MTSS1: variants seen among roughly 807,000 people sequenced by gnomAD.
MTSS1 encodes MTSS I-BAR domain containing 1, also known as protein MTSS 1.
MTSS1 carries 18 observed loss-of-function variants against 79.0 expected under a neutral mutation model. The ratio of observed to expected loss-of-function variants is 0.23; its 90% confidence interval spans 0.16 to 0.34. MTSS1 has a LOEUF of 0.34. MTSS1 is among the 10% of genes least tolerant of loss of function. The probability of loss-of-function intolerance (pLI) is 1.00; values close to 1 mark genes in which losing one functional copy is unlikely to be tolerated. For missense variants in MTSS1, 815 were observed against 986.2 expected (o/e 0.83, Z 2.33); for synonymous variants, 341 against 368.6 (o/e 0.93, Z 0.86).
chr8:124,604,405 A>G (rs1379802248), intron 3 of MTSS1, among the ~76,000 whole-genome samples: 4 of 152,096 alleles, frequency 2.6e-5, no homozygotes, highest in Admixed American at 1.3e-4. Flanking sequence ...GAGAAGAGAA[A>G]CATTAGTCCT....
rs565875818 is a variant in MTSS1 at position 124,697,297 on chromosome 8, C to T, written c.208+2229G>A. 5.3e-5 allele frequency among the ~76,000 whole-genome samples: 8 copies of T among 151,156 alleles called. No homozygotes were observed. In the South Asian group the frequency reaches 1.3e-3, roughly 24 times the overall value. On this transcript the variant is annotated intron_variant, in intron 3 of 13. Coordinates refer to ENST00000518547, the MANE Select transcript of MTSS1 (RefSeq NM_014751.6). ...ATTCTGGGCCAGGCACGGTGGCTCACGCCTGTAATCCCAGCACTATGGGAG... is the reference window on the plus strand; with the variant it reads ...ATTCTGGGCCAGGCACGGTGGCTCATGCCTGTAATCCCAGCACTATGGGAG...
rs1416292458 is a variant in MTSS1, at chr8:124,727,846, C to T, written c.72+38G>A. On this transcript the variant is annotated intron_variant, in intron 1 of 13. Coordinates refer to ENST00000518547, the MANE Select transcript of MTSS1 (RefSeq NM_014751.6). This position sits in a 1 kb window ranked among gnomAD's most constrained non-coding sequence, Gnocchi z 4.7. Reference sequence around the variant, plus strand: ...GAAGCGCGGCGGCGAGGTCAGAGCGCGGCGGCCGGCGCCGCAGCCGCACCC... The same window carrying T: ...GAAGCGCGGCGGCGAGGTCAGAGCGTGGCGGCCGGCGCCGCAGCCGCACCC... 2.6e-6 allele frequency: 4 copies of T among 1,541,258 alleles called. No homozygotes were observed. Among genetic ancestry groups the T allele is most frequent in the Non-Finnish European group, 3.5e-6 (4 of 1,146,912 alleles).
chr8:124,717,623 G>A (rs984364089), intron 1 of MTSS1, among the ~76,000 whole-genome samples: 1 of 152,196 alleles, frequency 6.6e-6, no homozygotes, highest in African/African-American at 2.4e-5. Context: ...GAACCTGGGA[G>A]GCAGAGGTTG....
intron 3 of MTSS1, among the ~76,000 whole-genome samples, chr8:124,696,417 CTTCT>C (rs1354255778): frequency 6.6e-6 from 1 of 150,582 alleles, no homozygotes; most frequent in South Asian, 2.1e-4. Flanking sequence ...TAAAATATAC[CTTCT>C]TTCTATCACC....
chr8:124,623,815 T>G (rs11986571), intron 3 of MTSS1, among the ~76,000 whole-genome samples: 3,077 of 152,334 alleles, frequency 0.02, 113 homozygotes, highest in African/African-American at 0.071. Flanking sequence ...AATTTTTGTA[T>G]TTTTAGTAGA....
chr8:124,636,361 C>T (rs1408425672), intron 3 of MTSS1, among the ~76,000 whole-genome samples: 2 of 152,322 alleles, frequency 1.3e-5, no homozygotes, highest in Non-Finnish European at 2.9e-5. Context: ...GAACTCCTGA[C>T]CTCAAGTGAT....
intron 6 of MTSS1, among the ~76,000 whole-genome samples, chr8:124,573,316 C>T (rs1828252163): frequency 6.6e-6 from 1 of 152,244 alleles, no homozygotes; most frequent in Non-Finnish European, 1.5e-5. Flanking sequence ...GCTTAATTCT[C>T]GATCCTTCAG....
chr8:124,657,027 T>A (rs1348943633), intron 3 of MTSS1, among the ~76,000 whole-genome samples: 1 of 152,164 alleles, frequency 6.6e-6, no homozygotes, highest in Non-Finnish European at 1.5e-5. Flanking sequence ...AAGGAACATA[T>A]GAACTAAATG....
intron 3 of MTSS1, among the ~76,000 whole-genome samples, chr8:124,638,035 T>A (rs797020272): frequency 1.8e-4 from 28 of 152,348 alleles, no homozygotes; most frequent in African/African-American, 6.5e-4. Context: ...TTCCCAAACT[T>A]TAATGTATAG....
chr8:124,721,146 C>A (rs12547466), intron 1 of MTSS1, among the ~76,000 whole-genome samples: 1 of 152,094 alleles, frequency 6.6e-6, no homozygotes, highest in Admixed American at 6.5e-5. Flanking sequence ...CTGTTCCGTA[C>A]GGTAGCTACT....
At position 124,683,084 on chromosome 8, in the gene MTSS1, T is replaced by C. The variant is rs1446425737; in HGVS notation, c.208+16442A>G. On this transcript the variant is annotated intron_variant, in intron 3 of 13. Coordinates refer to ENST00000518547, the MANE Select transcript of MTSS1 (RefSeq NM_014751.6). The surrounding 1 kb of genome is among the most constrained non-coding windows in gnomAD (Gnocchi z 4.5). The stretch of plus-strand genomic sequence containing the variant: ...GTAGTGAAATGACAGTACATTCAAC[T>C]ATCTGGCCCCATTTTATTTCCATGT... Among the ~76,000 whole-genome samples, 2 of 152,150 alleles carry C rather than the reference T, an allele frequency of 1.3e-5. No individual in the cohort carries two copies. Among genetic ancestry groups the C allele is most frequent in the Non-Finnish European group, 2.9e-5 (2 of 68,022 alleles).
At chr8:124,577,710 G>A (rs1353832501) in intron 6 of MTSS1, 2 of 487,718 alleles carry the variant, frequency 4.1e-6, no homozygotes, top group African/African-American at 3.9e-5. Context: ...CTAAGCCCTG[G>A]GCTTAGCCTC....
chr8:124,724,258 A>G (rs949882437), intron 1 of MTSS1, among the ~76,000 whole-genome samples: 3 of 152,248 alleles, frequency 2.0e-5, no homozygotes, highest in Non-Finnish European at 4.4e-5. Flanking sequence ...AAAGATTTCC[A>G]TGGAATTCAA....
intron 3 of MTSS1, among the ~76,000 whole-genome samples, chr8:124,626,246 T>C (rs1181286490): frequency 6.6e-6 from 1 of 152,238 alleles, no homozygotes. Flanking sequence ...GCCATTCTAG[T>C]GTTTCGTCAG....
At chr8:124,607,810 T>C (rs1221090124) in intron 3 of MTSS1, among the ~76,000 whole-genome samples, 1 of 152,182 alleles carries the variant, frequency 6.6e-6, no homozygotes, top group Non-Finnish European at 1.5e-5. Context: ...TTGCTTTCTG[T>C]TGGAATTATA....
At chr8:124,697,418 G>A (rs952492069) in intron 3 of MTSS1, among the ~76,000 whole-genome samples, 3 of 152,088 alleles carry the variant, frequency 2.0e-5, no homozygotes, top group African/African-American at 7.2e-5. Context: ...AAATTAGTCG[G>A]GCGTGGTGGC....
chr8:124,556,466 A>T, intron 11 of MTSS1, 61 bp from the exon 12 acceptor site: 1 of 1,505,000 alleles, frequency 6.6e-7, no homozygotes, highest in South Asian at 1.3e-5. Context: ...GGCTGCGGGG[A>T]CCCCATAGAC....
chr8:124,576,849 A>G (rs1195033525), intron 6 of MTSS1, among the ~76,000 whole-genome samples: 1 of 152,232 alleles, frequency 6.6e-6, no homozygotes, highest in African/African-American at 2.4e-5. Flanking sequence ...ATTTCAAGCA[A>G]GTTGTCTGTT....
intron 6 of MTSS1, among the ~76,000 whole-genome samples, chr8:124,574,967 G>A (rs1012585202): frequency 5.3e-5 from 8 of 152,002 alleles, no homozygotes; most frequent in Admixed American, 1.3e-4. Context: ...CAGTTTAATC[G>A]GTAGGTTTTT....
Sources: allele counts gnomAD v4.1 joint callset (sites outside exome capture counted in the v4.1 genomes callset), GRCh38; gene constraint gnomAD v4.1.1; non-coding constraint Gnocchi (gnomAD v3.1); transcripts MANE v1.5; gene names NCBI Gene and HGNC (gene_info 2026-07-23, HGNC 2026-07-21).